Variants in TRIM49 observed in about 807,000 individuals in gnomAD.
TRIM49 encodes tripartite motif-containing protein 49.
A neutral mutation model predicts 27.4 loss-of-function variants in TRIM49; 5 were observed. The ratio of observed to expected loss-of-function variants is 0.18; its 90% CI spans 0.10 to 0.38. TRIM49 has a LOEUF of 0.38. TRIM49 is among the 10% of genes least tolerant of loss of function. TRIM49 has a pLI of 1.00. For missense variants in TRIM49, 188 were observed against 487.5 expected (o/e 0.39, Z 5.79); for synonymous variants, 69 against 166.0 (o/e 0.42, Z 4.49).
At chr11:89,800,278 A>G (rs536510848) in intron 6 of TRIM49, among the ~76,000 whole-genome samples, 2 of 151,700 alleles carry the variant, frequency 1.3e-5, no homozygotes, top group East Asian at 3.9e-4. Flanking sequence ...GTTTTTTTCA[A>G]TCTATTTTTC....
At chr11:89,795,976 T>A (rs1222394856), downstream of TRIM49, among the ~76,000 whole-genome samples, 20 of 151,906 alleles carry the variant, frequency 1.3e-4, no homozygotes, top group Non-Finnish European at 1.8e-4. Context: ...CAATAATTAC[T>A]GCTTACCTAG....
chr11:89,793,456 C>T (rs1376169329), downstream of TRIM49, among the ~76,000 whole-genome samples: 1 of 152,180 alleles, frequency 6.6e-6, no homozygotes, highest in Non-Finnish European at 1.5e-5. Context: ...ACCAATATCT[C>T]TGATGAACAT....
intron 6 of TRIM49, among the ~76,000 whole-genome samples, chr11:89,800,242 G>A (rs192745236): frequency 1.2e-3 from 182 of 151,500 alleles, no homozygotes; most frequent in African/African-American, 4.3e-3. Context: ...CTTCCCTAGA[G>A]ACTTACACAG....
chr11:89,797,179 G>A (rs1477508016), downstream of TRIM49, among the ~76,000 whole-genome samples: 1 of 151,062 alleles, frequency 6.6e-6, no homozygotes. Flanking sequence ...ATCCAATTCT[G>A]TAAAGTGTCT....
At chr11:89,783,380 AATAGG>A in the TRIM49 span, among the ~76,000 whole-genome samples, 1 of 98,028 alleles carries the variant, frequency 1.0e-5, no homozygotes, top group African/African-American at 4.4e-5. Context: ...TACGTAACAA[AATAGG>A]ATAGAACATA....
rs1221992175 is a variant in TRIM49 at position 89,803,542 on chromosome 11, A to G, written c.507+156T>C. 12 of 1,404,326 alleles carry G rather than the reference A, an allele frequency of 8.5e-6. No homozygotes were observed. In the African/African-American group the frequency reaches 1.3e-4, roughly 15 times the overall value. 87.0% of individuals were successfully genotyped at this position (1,404,326 alleles called of 1,614,324 possible). On this transcript the variant is annotated intron_variant, in intron 4 of 7. Coordinates refer to ENST00000329758, the MANE Select transcript of TRIM49 (RefSeq NM_020358.2). ...CTACCTAACAGGCATACTATTCTAT[A>G]TAAAAATGAGGCCACTTTTTCTCAG...
intron 2 of TRIM49, among the ~76,000 whole-genome samples, chr11:89,806,154 G>C (rs1020571273): frequency 1.3e-5 from 2 of 149,910 alleles, no homozygotes; most frequent in African/African-American, 2.5e-5. Context: ...GTTCTGTACT[G>C]CATACTGTAG....
the TRIM49 span, chr11:89,766,779 A>G: frequency 1.6e-6 from 2 of 1,289,446 alleles, 1 homozygote; most frequent in Non-Finnish European, 2.2e-6. Context: ...GGTGGTCAAG[A>G]GACTGAAATG....
chr11:89,770,092 T>C, the TRIM49 span, among the ~76,000 whole-genome samples: 1 of 117,188 alleles, frequency 8.5e-6, no homozygotes. Context: ...CCTCTGATAC[T>C]GAGAAACAAG....
chr11:89,778,236 C>A, the TRIM49 span, among the ~76,000 whole-genome samples: 5,952 of 151,188 alleles, frequency 0.039, 35 homozygotes, highest in African/African-American at 0.094. Context: ...TATTCTAGTT[C>A]AAATTTGAAG....
chr11:89,774,284 G>A, the TRIM49 span, among the ~76,000 whole-genome samples: 1 of 151,154 alleles, frequency 6.6e-6, no homozygotes, highest in East Asian at 1.9e-4. Context: ...ACAGGCATGA[G>A]CCACCTTCCT....
At position 89,807,187 on chromosome 11, in the gene TRIM49, G is replaced by C. The variant is rs1344706425; in HGVS notation, c.-93C>G. 6.5e-6 allele frequency: 1 copy of C among 153,500 alleles called. No homozygotes were observed. Among genetic ancestry groups the C allele is most frequent in the Non-Finnish European group, 1.5e-5 (1 of 67,886 alleles). The allele number at this position is 153,500 out of a possible 1,614,324, so 9.5% of individuals were successfully genotyped here. A position where few individuals can be genotyped will look rare whatever the true frequency, so the allele number is the denominator to read the frequency against. Reference sequence around the variant, plus strand: ...CAAGATCAGAAGCTCATTCACTGCAGTACTGAATTTCAGAGGTCGCCAAAA... The same window carrying C: ...CAAGATCAGAAGCTCATTCACTGCACTACTGAATTTCAGAGGTCGCCAAAA... On this transcript the variant is annotated 5_prime_UTR_variant, in exon 2 of 8. Transcript: ENST00000329758.
At chr11:89,789,776 G>A in the TRIM49 span, 1 of 152,002 alleles carries the variant, frequency 6.6e-6, no homozygotes, top group Non-Finnish European at 1.5e-5. Flanking sequence ...AATCAAACTT[G>A]GGTTCCAAGG....
At chr11:89,800,856 A>G in intron 6 of TRIM49, 110 bp downstream of exon 6, 1 of 653,048 alleles carries the variant, frequency 1.5e-6, no homozygotes, top group Non-Finnish European at 2.6e-6. Context: ...GTAGATGCAA[A>G]AAAAAGTGGT....
chr11:89,767,809 A>T, the TRIM49 span, among the ~76,000 whole-genome samples: 68 of 135,814 alleles, frequency 5.0e-4, 1 homozygote, highest in Admixed American at 3.3e-3. Context: ...AAATGTATTT[A>T]AAAAAACACT....
chr11:89,800,526 G>C (rs1233456515), intron 6 of TRIM49, among the ~76,000 whole-genome samples: 1 of 151,146 alleles, frequency 6.6e-6, no homozygotes, highest in African/African-American at 2.5e-5. Flanking sequence ...GGCGGATCAC[G>C]GGGTCAGGAG....
the TRIM49 span, among the ~76,000 whole-genome samples, chr11:89,791,336 A>T: frequency 1.1e-4 from 17 of 152,334 alleles, no homozygotes; most frequent in Middle Eastern, 3.4e-3. Flanking sequence ...ATTATCCAGG[A>T]GAACTTCCCC....
At chr11:89,802,946 C>T (rs1949750755) in intron 4 of TRIM49, among the ~76,000 whole-genome samples, 1 of 150,158 alleles carries the variant, frequency 6.7e-6, no homozygotes, top group South Asian at 2.1e-4. Context: ...TTCTTCTTTA[C>T]TAGTATATTT....
chr11:89,783,699 C>A, the TRIM49 span, among the ~76,000 whole-genome samples: 1 of 146,164 alleles, frequency 6.8e-6, no homozygotes, highest in Non-Finnish European at 1.5e-5. Context: ...TTAGTTTACA[C>A]TTTAAATAAG....
Sources: gnomAD v4.1 joint callset for allele counts (sites outside exome capture counted in the v4.1 genomes callset) on GRCh38, gnomAD v4.1.1 for gene constraint, MANE v1.5 for transcripts, NCBI Gene and HGNC (gene_info 2026-07-23, HGNC 2026-07-21) for gene names.